The following FOXP2 variants were observed in gnomAD, a reference collection of about 807,000 sequenced individuals.
FOXP2 encodes the protein forkhead box protein P2.
In FOXP2, 12 loss-of-function variants were observed where a neutral mutation model predicts 115.8. The observed-to-expected ratio is 0.10, with a 90% CI of 0.07 to 0.17. The LOEUF (loss-of-function observed/expected upper bound fraction) is 0.17, where lower values mean the gene tolerates loss of function less well. Among genes scored for constraint, FOXP2 ranks in the 10% least tolerant of loss-of-function variants. The pLI is 1.00. For missense variants in FOXP2, 629 were observed against 843.5 expected, an observed-to-expected ratio of 0.75 and a Z score of 3.15; for synonymous variants, 328 against 297.7, an observed-to-expected ratio of 1.10 and a Z score of -1.05.
chr7:114,289,194 A>C (rs1796535691), intron 2 of FOXP2, among the ~76,000 whole-genome samples: 1 of 151,858 alleles, frequency 6.6e-6, no homozygotes, highest in African/African-American at 2.4e-5. Context: ...AGACATTAAA[A>C]TGATCCCACA....
At chr7:114,200,265 A>G (rs1406311816) in intron 1 of FOXP2, among the ~76,000 whole-genome samples, 2 of 152,246 alleles carry the variant, frequency 1.3e-5, no homozygotes, top group African/African-American at 4.8e-5. Flanking sequence ...TGCTGGCAGG[A>G]TATAACCAGA....
intron 2 of FOXP2, among the ~76,000 whole-genome samples, chr7:114,476,635 T>A (rs1224176874): frequency 1.3e-5 from 2 of 151,574 alleles, no homozygotes; most frequent in African/African-American, 4.9e-5. Flanking sequence ...AATTTTAGAA[T>A]TTTTTTTCTA....
At chr7:114,501,499 A>C (rs1797564613) in intron 2 of FOXP2, among the ~76,000 whole-genome samples, 2 of 152,126 alleles carry the variant, frequency 1.3e-5, no homozygotes, top group African/African-American at 2.4e-5. Flanking sequence ...GTCAGAAAAG[A>C]AGATAACTGT....
intron 1 of FOXP2, among the ~76,000 whole-genome samples, chr7:114,211,769 C>T (rs796818796): frequency 2.0e-5 from 3 of 152,284 alleles, no homozygotes; most frequent in African/African-American, 7.2e-5. Flanking sequence ...CCCATTTCTT[C>T]TTTAAAAATA....
intron 1 of FOXP2, among the ~76,000 whole-genome samples, chr7:114,419,527 A>G (rs1330065565): frequency 1.3e-5 from 2 of 151,926 alleles, no homozygotes; most frequent in East Asian, 3.9e-4. Flanking sequence ...ATTTATCCTT[A>G]TAGCATACTT....
chr7:114,399,763 G>C (rs1031582337), intron 2 of FOXP2, among the ~76,000 whole-genome samples: 12 of 151,518 alleles, frequency 7.9e-5, no homozygotes, highest in African/African-American at 2.9e-4. Context: ...GCTAGTAAGG[G>C]GTATTGGGAC....
At chr7:114,471,039 A>G (rs1796021083) in intron 2 of FOXP2, among the ~76,000 whole-genome samples, 5 of 152,072 alleles carry the variant, frequency 3.3e-5, no homozygotes, top group African/African-American at 1.2e-4. Context: ...TGTATTAACT[A>G]CCCATTCTTC....
chr7:114,202,463 A>G (rs984267385), intron 1 of FOXP2, among the ~76,000 whole-genome samples: 2 of 152,212 alleles, frequency 1.3e-5, no homozygotes, highest in African/African-American at 4.8e-5. Flanking sequence ...TGAACACTGC[A>G]TCTGAAATTT....
At chr7:114,334,008 A>C (rs958889221) in intron 2 of FOXP2, among the ~76,000 whole-genome samples, 1 of 152,198 alleles carries the variant, frequency 6.6e-6, no homozygotes, top group African/African-American at 2.4e-5. Context: ...ACTACAGGAT[A>C]TCACAAAGGA....
intron 2 of FOXP2, among the ~76,000 whole-genome samples, chr7:114,396,755 T>A (rs1213375330): frequency 6.6e-6 from 1 of 151,942 alleles, no homozygotes; most frequent in Non-Finnish European, 1.5e-5. Flanking sequence ...GTTTGAGAGC[T>A]CTACTGCACA....
chr7:114,256,089 T>C (rs1795603723), intron 1 of FOXP2, among the ~76,000 whole-genome samples: 1 of 152,152 alleles, frequency 6.6e-6, no homozygotes, highest in African/African-American at 2.4e-5. Context: ...GCCATTCTGA[T>C]TGGCATGAGA....
chr7:114,413,810 C>T (rs140816883), upstream of FOXP2, among the ~76,000 whole-genome samples: 904 of 152,166 alleles, frequency 5.9e-3, 8 homozygotes, highest in African/African-American at 0.019. Context: ...GAAACTAAAA[C>T]AAGATAAGTC....
At chr7:114,299,033 AGTAGGCTAACAT>A (rs1796816044) in intron 2 of FOXP2, among the ~76,000 whole-genome samples, 1 of 152,184 alleles carries the variant, frequency 6.6e-6, no homozygotes, top group African/African-American at 2.4e-5. Flanking sequence ...TTAAAATTTT[AGTAGGCTAACAT>A]GCATTCTGAA....
At chr7:114,413,881 T>C (rs1793235868), upstream of FOXP2, among the ~76,000 whole-genome samples, 1 of 152,060 alleles carries the variant, frequency 6.6e-6, no homozygotes, top group South Asian at 2.1e-4. Context: ...GTAACTGTTG[T>C]TTTGTCTCAC....
Position 114,585,437 on chromosome 7 carries a change from A to G in FOXP2, c.259-43103A>G, listed in dbSNP as rs1003971599. Among the ~76,000 whole-genome samples the G allele has an allele frequency of 3.9e-5, 6 of 152,226 alleles. No individual in the cohort carries two copies. The South Asian group carries it at 1.2e-3, about 32-fold the overall frequency. On this transcript the variant is annotated intron_variant, in intron 3 of 16. Transcript: ENST00000350908. Reference sequence around the variant, plus strand: ...CTATGGGCCAACCAAATCTCCTGGGAATATCTTAGAAATGTAGAATCTCAG... The same window carrying G: ...CTATGGGCCAACCAAATCTCCTGGGGATATCTTAGAAATGTAGAATCTCAG...
At chr7:114,227,007 G>A (rs926513888) in intron 1 of FOXP2, among the ~76,000 whole-genome samples, 1 of 152,014 alleles carries the variant, frequency 6.6e-6, no homozygotes, top group African/African-American at 2.4e-5. Context: ...TATCATTGCT[G>A]GAGGGAAAAG....
At chr7:114,630,776 A>C (rs1804858529) in intron 5 of FOXP2, among the ~76,000 whole-genome samples, 1 of 152,128 alleles carries the variant, frequency 6.6e-6, no homozygotes, top group Non-Finnish European at 1.5e-5. Flanking sequence ...GCTTTGGGCA[A>C]TCCACATGAC....
chr7:114,341,489 A>G (rs770515571), intron 2 of FOXP2, among the ~76,000 whole-genome samples: 1 of 151,400 alleles, frequency 6.6e-6, no homozygotes, highest in Non-Finnish European at 1.5e-5. Context: ...TTAAAAACAA[A>G]CAAAAAATCT....
At chr7:114,312,009 G>A (rs1584627761) in intron 2 of FOXP2, among the ~76,000 whole-genome samples, 1 of 152,084 alleles carries the variant, frequency 6.6e-6, no homozygotes, top group East Asian at 1.9e-4. Context: ...GGCAGGAGGA[G>A]GTTGCAGCAG....
Sources: gnomAD v4.1 joint callset for allele counts (sites outside exome capture counted in the v4.1 genomes callset) on GRCh38, gnomAD v4.1.1 for gene constraint, MANE v1.5 for transcripts, NCBI Gene and HGNC (gene_info 2026-07-23, HGNC 2026-07-21) for gene names.